TBCD: variants seen among roughly 807,000 people sequenced by gnomAD.
TBCD encodes the protein tubulin-specific chaperone D.
A neutral mutation model predicts 169.3 loss-of-function variants in TBCD; 105 were observed. That is an observed-to-expected ratio of 0.62 (90% CI 0.53 to 0.73). The LOEUF (loss-of-function observed/expected upper bound fraction) is 0.73. Among genes scored for constraint, TBCD ranks in the 30% least tolerant of loss-of-function variants. The probability of loss-of-function intolerance (pLI) is 0.00; values close to 1 mark genes in which losing one functional copy is unlikely to be tolerated. For missense variants in TBCD, 1,444 were observed against 1,600.1 expected (o/e 0.90, Z 1.66); for synonymous variants, 700 against 643.9 (o/e 1.09, Z -1.32).
At chr17:82,820,372 T>C (rs1415254653) in intron 13 of TBCD, among the ~76,000 whole-genome samples, 1 of 152,262 alleles carries the variant, frequency 6.6e-6, no homozygotes, top group African/African-American at 2.4e-5. Flanking sequence ...TGTCAAGTGT[T>C]CTGATCTCTT....
rs571465112 is a variant in TBCD, at chr17:82,929,040, G to A, written c.2694-73G>A. ...TTGGGCTGGAGTCACGGCTCGGACC[G>A]CCTGTGCTCAGTTTACCGCCCGCTC... On this transcript the variant is annotated intron_variant, in intron 30 of 38. Coordinates refer to ENST00000355528, the MANE Select transcript of TBCD (RefSeq NM_005993.5). 618 of 1,537,458 alleles carry A rather than the reference G, an allele frequency of 4.0e-4. 4 individuals carry two copies. In the African/African-American group the frequency reaches 5.5e-3, roughly 14 times the overall value.
intron 34 of TBCD, 160 bp downstream of exon 34, chr17:82,932,895 C>A: frequency 1.5e-6 from 1 of 658,756 alleles, no homozygotes; most frequent in Non-Finnish European, 2.6e-6. Context: ...TCACAGCTGG[C>A]CCTCAAAATA....
intron 23 of TBCD, among the ~76,000 whole-genome samples, chr17:82,916,189 G>A (rs2061016895): frequency 6.6e-6 from 1 of 152,078 alleles, no homozygotes; most frequent in African/African-American, 2.4e-5. Flanking sequence ...GTTTTCCATA[G>A]TGTGTGTCTG....
At chr17:82,772,804 G>A (rs2048373022) in intron 6 of TBCD, among the ~76,000 whole-genome samples, 1 of 152,180 alleles carries the variant, frequency 6.6e-6, no homozygotes, top group African/African-American at 2.4e-5. Flanking sequence ...TGCAGCCCCT[G>A]CACAGGGATG....
At position 82,782,213 on chromosome 17, in the gene TBCD, C is replaced by T. The variant is rs531847984; in HGVS notation, c.771+492C>T. Among the ~76,000 whole-genome samples the T allele has an allele frequency of 6.6e-6, 1 of 152,224 alleles. No individual in the cohort carries two copies. Among genetic ancestry groups the T allele is most frequent in the South Asian group, 2.1e-4 (1 of 4,824 alleles). On this transcript the variant is annotated intron_variant, in intron 7 of 38. Coordinates refer to ENST00000355528, the MANE Select transcript of TBCD (RefSeq NM_005993.5). This position sits in a 1 kb window ranked among gnomAD's most constrained non-coding sequence, Gnocchi z 5.1. ...CTGCAGCCCTTTGCCAGCCCTTTCC[C>T]TGCCCTTTCGCTCTGATTGTCTCTT...
chr17:82,914,154 T>C (rs913188566), intron 23 of TBCD: 3 of 152,338 alleles, frequency 2.0e-5, no homozygotes, highest in Non-Finnish European at 2.9e-5. Context: ...TAAACACTGA[T>C]GTGCTTCGTC....
At chr17:82,811,021 T>C (rs1309675325) in intron 12 of TBCD, among the ~76,000 whole-genome samples, 1 of 152,196 alleles carries the variant, frequency 6.6e-6, no homozygotes, top group African/African-American at 2.4e-5. Context: ...GTGGAAACAT[T>C]GCTAGCAGAA....
chr17:82,795,493 T>G, intron 7 of TBCD: 1 of 982,004 alleles, frequency 1.0e-6, no homozygotes, highest in Non-Finnish European at 1.2e-6. Flanking sequence ...GTAGCGGTCT[T>G]CGTTGTTGAG....
intron 14 of TBCD, among the ~76,000 whole-genome samples, chr17:82,871,120 C>T (rs902622714): frequency 7.9e-5 from 12 of 152,142 alleles, no homozygotes; most frequent in Admixed American, 7.9e-4. Context: ...CGGCCTGTGG[C>T]GGGCGGGGCT....
At chr17:82,779,630 T>C (rs2048815632) in intron 6 of TBCD, among the ~76,000 whole-genome samples, 1 of 152,182 alleles carries the variant, frequency 6.6e-6, no homozygotes, top group African/African-American at 2.4e-5. Flanking sequence ...CGTGGCTGTC[T>C]CCTGTGTGTT....
At chr17:82,917,795 C>G (rs1053338261) in intron 23 of TBCD, among the ~76,000 whole-genome samples, 1 of 152,206 alleles carries the variant, frequency 6.6e-6, no homozygotes. Context: ...CGTTCTCCTG[C>G]TAGCTGGAGA....
chr17:82,872,911 C>G (rs1013990648), intron 14 of TBCD, among the ~76,000 whole-genome samples: 1 of 118,420 alleles, frequency 8.4e-6, no homozygotes, highest in African/African-American at 3.4e-5. Context: ...GAGCCAGGCC[C>G]GGCACCTCGT....
At chr17:82,838,877 T>G in intron 13 of TBCD, 1 of 985,462 alleles carries the variant, frequency 1.0e-6, no homozygotes, top group Non-Finnish European at 1.2e-6. Context: ...CGCCTCATCC[T>G]GAAACTCCGG....
chr17:82,906,249 G>A (rs2060242613), intron 20 of TBCD, among the ~76,000 whole-genome samples, 196 bp downstream of exon 20: 1 of 152,192 alleles, frequency 6.6e-6, no homozygotes, highest in Non-Finnish European at 1.5e-5. Context: ...TCATGCCGTG[G>A]GTGGACCACC....
intron 14 of TBCD, among the ~76,000 whole-genome samples, chr17:82,873,950 T>C (rs2057784346): frequency 6.6e-6 from 1 of 152,228 alleles, no homozygotes; most frequent in Non-Finnish European, 1.5e-5. Flanking sequence ...AGGGTCATCT[T>C]TCTCACTTTG....
chr17:82,883,748 G>A (rs1322732276), intron 14 of TBCD, among the ~76,000 whole-genome samples: 1 of 152,326 alleles, frequency 6.6e-6, no homozygotes, highest in East Asian at 1.9e-4. Flanking sequence ...CTGTCCAAAC[G>A]CTGCCAGTTC....
intron 9 of TBCD, among the ~76,000 whole-genome samples, chr17:82,803,378 T>G (rs2050717122): frequency 1.3e-5 from 2 of 152,236 alleles, no homozygotes. Flanking sequence ...CCAAGTTCTC[T>G]GCGGCACTCG....
chr17:82,937,872 GTGT>G, intron 35 of TBCD, 174 bp from the exon 36 acceptor site: 1 of 1,515,850 alleles, frequency 6.6e-7, no homozygotes, highest in Non-Finnish European at 8.8e-7. Flanking sequence ...ACACTCGTGT[GTGT>G]AGGCACAGTG....
chr17:82,811,186 G>A (rs918898717), intron 12 of TBCD, among the ~76,000 whole-genome samples: 1 of 152,170 alleles, frequency 6.6e-6, no homozygotes, highest in African/African-American at 2.4e-5. Flanking sequence ...CTGTCGCCTG[G>A]TGCCACCTGC....
Sources: gnomAD v4.1 joint callset for allele counts (sites outside exome capture counted in the v4.1 genomes callset) on GRCh38, gnomAD v4.1.1 for gene constraint, Gnocchi (gnomAD v3.1) non-coding constraint, MANE v1.5 for transcripts, NCBI Gene and HGNC (gene_info 2026-07-23, HGNC 2026-07-21) for gene names.